Variants in MT2A observed in about 807,000 individuals in gnomAD.
MT2A encodes metallothionein-2.
Under a neutral mutation model 9.9 loss-of-function variants are expected in MT2A, and 6 were observed. That is an observed-to-expected ratio of 0.61 (90% CI 0.33 to 1.20). The LOEUF is 1.20. MT2A is among the 50% of genes most tolerant of loss of function. The pLI is 0.04. For missense variants in MT2A, 57 were observed against 78.2 expected (o/e 0.73, Z 1.02); for synonymous variants, 27 against 28.7 (o/e 0.94, Z 0.18).
Position 56,608,973 on chromosome 16 carries a change from CTG to C in MT2A, c.29-17_29-16del. 6.2e-7 allele frequency: 1 copy of C among 1,614,088 alleles called. No homozygotes were observed. Among genetic ancestry groups the C allele is most frequent in the Non-Finnish European group, 8.5e-7 (1 of 1,179,970 alleles). ...AGGTATCCAGGGACGGTTCTCACCT[CTG>C]TCTTTTCTCCTTGCAGGTGACTCCT... On this transcript the variant is annotated splice_polypyrimidine_tract_variant and intron_variant, in intron 1 of 2. Transcript: ENST00000245185.
chr16:56,609,008 C>T lies in MT2A; in HGVS notation c.45C>T (p.Cys15=), dbSNP rs755950421. 2.0e-5 allele frequency: 33 copies of T among 1,614,204 alleles called. No homozygotes were observed. In the East Asian group the frequency reaches 3.6e-4, roughly 17 times the overall value. Residue 15 remains cysteine, a synonymous_variant, in exon 2 of 3, where the codon TGC becomes TGT. Transcript: ENST00000245185. ...CSCAAGDSCT[C]AGSCKCKECK... ...TCCTTGCAGGTGACTCCTGCACCTG[C>T]GCCGGCTCCTGCAAATGCAAAGAGT...
chr16:56,609,219 G>T, intron 2 of MT2A, 44 bp from the exon 3 acceptor site: 1 of 1,613,676 alleles, frequency 6.2e-7, no homozygotes, highest in Non-Finnish European at 8.5e-7. Flanking sequence ...CCTTATTCCC[G>T]GTGTCGCTAG....
chr16:56,609,094 G>T, intron 2 of MT2A, 37 bp downstream of exon 2: 1 of 1,613,314 alleles, frequency 6.2e-7, no homozygotes, highest in Non-Finnish European at 8.5e-7. Context: ...CCCCTTCCCT[G>T]TCCTCCAGCC....
rs11549676 is a variant in MT2A, at chr16:56,608,999, C to T, written c.36C>T (p.Ser12=). 6.2e-7 allele frequency: 1 copy of T among 1,614,212 alleles called. No individual in the cohort carries two copies. The highest frequency in any genetic ancestry group is 8.5e-7 in the Non-Finnish European group (1 of 1,180,034). Residue 12 remains serine (S), a synonymous_variant, in exon 2 of 3, where the codon TCC becomes TCT. Transcript: ENST00000245185. ...DPNCSCAAGD[S]CTCAGSCKCK... ...TGTCTTTTCTCCTTGCAGGTGACTC[C>T]TGCACCTGCGCCGGCTCCTGCAAAT...
intron 1 of MT2A, 49 bp downstream of exon 1, chr16:56,608,732 T>C (rs748176791): frequency 1.9e-6 from 3 of 1,612,294 alleles, no homozygotes; most frequent in Non-Finnish European, 2.5e-6. Flanking sequence ...AGAGAAGCAA[T>C]TTCTGACCCC....
chr16:56,609,404 C>G lies in MT2A; in HGVS notation c.*50C>G. The G allele has an allele frequency of 6.2e-7, 1 of 1,606,016 alleles. No individual in the cohort carries two copies. Among genetic ancestry groups the G allele is most frequent in the Non-Finnish European group, 8.5e-7 (1 of 1,176,054 alleles). On this transcript the variant is annotated 3_prime_UTR_variant, in exon 3 of 3. Coordinates refer to ENST00000245185, the MANE Select transcript of MT2A (RefSeq NM_005953.5). ...TGTAAAGAACGCGACTTCCACAAAC[C>G]TGGATTTTTTATGTACAACCCTGAC...
At chr16:56,608,915 G>A in intron 1 of MT2A, 77 bp from the exon 2 acceptor site, 2 of 1,539,608 alleles carry the variant, frequency 1.3e-6, no homozygotes, top group Non-Finnish European at 1.8e-6. Context: ...TGAGGAACTC[G>A]GCCCCGGGCT....
rs765162077 is a variant in MT2A, at chr16:56,609,269, G to A, written c.101G>A (p.Cys34Tyr). 2.5e-6 allele frequency: 4 copies of A among 1,614,206 alleles called. No individual in the cohort carries two copies. The highest frequency in any genetic ancestry group is 2.5e-6 in the Non-Finnish European group (3 of 1,180,044). ...GCCTCCTGTCTGCCCCCAGGCTGCT[G>A]CTCCTGCTGCCCTGTGGGCTGTGCC... ...CKCTSCKKSC[C>Y]SCCPVGCAKC... The change falls in exon 3 of 3, where the codon TGC becomes TAC. Residue 34 changes from cysteine (C) to tyrosine (Y), a missense_variant. Cys to Tyr is a radical substitution (Grantham distance 194). Transcript: ENST00000245185.
intron 2 of MT2A, 84 bp downstream of exon 2, chr16:56,609,141 G>A (rs760267786): frequency 2.5e-6 from 4 of 1,610,234 alleles, no homozygotes; most frequent in African/African-American, 1.3e-5. Flanking sequence ...AATTAAAGCA[G>A]TCTGGGGATG....
intron 1 of MT2A, 130 bp downstream of exon 1, chr16:56,608,813 C>G: frequency 7.2e-7 from 1 of 1,388,278 alleles, no homozygotes. Flanking sequence ...GGGTATCTTT[C>G]TCTCCATTCT....
chr16:56,608,686 A>G lies in MT2A; in HGVS notation c.28+3A>G, dbSNP rs111784846. ...TCCCAACTGCTCCTGCGCCGCCGGT[A>G]AGAGGCTGGGGATGCCCAGTGTAGA... On this transcript the variant is annotated splice_donor_region_variant and intron_variant, in intron 1 of 2. Coordinates refer to ENST00000245185, the MANE Select transcript of MT2A (RefSeq NM_005953.5). 6.2e-7 allele frequency: 1 copy of G among 1,614,062 alleles called. No homozygotes were observed. The highest frequency in any genetic ancestry group is 8.5e-7 in the Non-Finnish European group (1 of 1,179,988).
rs758207743 is a variant in MT2A, at chr16:56,609,272, C to A, written c.104C>A (p.Ser35Tyr). ...KCTSCKKSCC[S>Y]CCPVGCAKCA... is the part of the protein sequence containing the mutation. ...TCCTGTCTGCCCCCAGGCTGCTGCT[C>A]CTGCTGCCCTGTGGGCTGTGCCAAG... Residue 35 changes from serine to tyrosine, a missense_variant, in exon 3 of 3, where the codon TCC (serine) becomes TAC (tyrosine). Transcript: ENST00000245185. 6.2e-7 allele frequency: 1 copy of A among 1,614,088 alleles called. No homozygotes were observed.
At position 56,609,255 on chromosome 16, in the gene MT2A, G is replaced by C. The variant is rs1960004639; in HGVS notation, c.95-8G>C. 6.2e-7 allele frequency: 1 copy of C among 1,613,994 alleles called. No individual in the cohort carries two copies. Among genetic ancestry groups the C allele is most frequent in the African/African-American group, 1.3e-5 (1 of 74,912 alleles). On this transcript the variant is annotated splice_region_variant and splice_polypyrimidine_tract_variant and intron_variant, in intron 2 of 2. Transcript: ENST00000245185. ...TACTCATCTCTGCCGCCTCCTGTCT[G>C]CCCCCAGGCTGCTGCTCCTGCTGCC... is the stretch of plus-strand genomic sequence containing the variant.
chr16:56,609,287 G>A lies in MT2A; in HGVS notation c.119G>A (p.Gly40Asp), dbSNP rs757486569. The change falls in exon 3 of 3, where the codon GGC (glycine) becomes GAC (aspartate). Residue 40 changes from glycine (G) to aspartate (D), a missense_variant. By Grantham distance (94) the Gly-to-Asp change is moderately conservative. Coordinates refer to ENST00000245185, the MANE Select transcript of MT2A (RefSeq NM_005953.5). ...GGCTGCTGCTCCTGCTGCCCTGTGG[G>A]CTGTGCCAAGTGTGCCCAGGGCTGC... The part of the protein sequence containing the change: ...KKSCCSCCPV[G>D]CAKCAQGCIC... The A allele has an allele frequency of 1.2e-6, 2 of 1,614,192 alleles. No homozygotes were observed. Among genetic ancestry groups the A allele is most frequent in the Non-Finnish European group, 1.7e-6 (2 of 1,180,038 alleles).
rs1366118652 is a variant in MT2A, at chr16:56,608,639, C to A, written c.-17C>A. The A allele has an allele frequency of 6.2e-7, 1 of 1,614,204 alleles. No individual in the cohort carries two copies. The highest frequency in any genetic ancestry group is 8.5e-7 in the Non-Finnish European group (1 of 1,180,006). On this transcript the variant is annotated 5_prime_UTR_variant, in exon 1 of 3. Coordinates refer to ENST00000245185, the MANE Select transcript of MT2A (RefSeq NM_005953.5). ...GCGTGCAACCTGTCCCGACTCTAGC[C>A]GCCTCTTCAGCTCGCCATGGATCCC...
chr16:56,609,327 G>A lies in MT2A; in HGVS notation c.159G>A (p.Ala53=), dbSNP rs1349284391. Residue 53 remains alanine (A), a synonymous_variant, in exon 3 of 3, where the codon GCG becomes GCA. Coordinates refer to ENST00000245185, the MANE Select transcript of MT2A (RefSeq NM_005953.5). ...CCCAGGGCTGCATCTGCAAAGGGGC[G>A]TCGGACAAGTGCAGCTGCTGCGCCT... ...KCAQGCICKG[A]SDKCSCCA is the part of the protein sequence containing the mutation. 2 of 1,614,112 alleles carry A rather than the reference G, an allele frequency of 1.2e-6. No individual in the cohort carries two copies. The highest frequency in any genetic ancestry group is 1.7e-6 in the Non-Finnish European group (2 of 1,180,052).
chr16:56,608,786 C>T, intron 1 of MT2A, 103 bp downstream of exon 1: 5 of 1,527,778 alleles, frequency 3.3e-6, no homozygotes, highest in Non-Finnish European at 4.5e-6. Flanking sequence ...GGAGTTGCTC[C>T]TTCCCAAAGA....
At chr16:56,608,924 C>A in intron 1 of MT2A, 68 bp from the exon 2 acceptor site, 1 of 1,569,778 alleles carries the variant, frequency 6.4e-7, no homozygotes, top group Non-Finnish European at 8.8e-7. Flanking sequence ...CGGCCCCGGG[C>A]TCTTAGTACG....
chr16:56,609,332 A>C lies in MT2A; in HGVS notation c.164A>C (p.Asp55Ala). 6.2e-7 allele frequency: 1 copy of C among 1,614,204 alleles called. No homozygotes were observed. ...GGCTGCATCTGCAAAGGGGCGTCGGACAAGTGCAGCTGCTGCGCCTGATGC... is the reference window on the plus strand; with the variant it reads ...GGCTGCATCTGCAAAGGGGCGTCGGCCAAGTGCAGCTGCTGCGCCTGATGC... ...AQGCICKGAS[D>A]KCSCCA is the part of the protein sequence containing the mutation. Residue 55 changes from aspartate (D) to alanine (A), a missense_variant, in exon 3 of 3, where the codon GAC becomes GCC. By Grantham distance (126) the Asp-to-Ala change is moderately radical. Transcript: ENST00000245185.
Sources: gnomAD v4.1 joint callset for allele counts on GRCh38, gnomAD v4.1.1 for gene constraint, MANE v1.5 for transcripts, NCBI Gene and HGNC (gene_info 2026-07-23, HGNC 2026-07-21) for gene names.